The following UNC13C variants were observed in gnomAD, a reference collection of about 807,000 sequenced individuals.
UNC13C encodes unc-13 homolog C, also known as protein unc-13 homolog C.
A neutral mutation model predicts 245.4 loss-of-function variants in UNC13C; 174 were observed. The observed-to-expected ratio is 0.71, with a 90% CI of 0.63 to 0.80. The LOEUF (loss-of-function observed/expected upper bound fraction) is 0.80, where lower values mean the gene tolerates loss of function less well. UNC13C is among the 30% of genes least tolerant of loss of function. The pLI is 0.00. For synonymous variants in UNC13C, 992 were observed against 895.1 expected (o/e 1.11, Z -1.93); for missense variants, 2,829 against 2,602.9 (o/e 1.09, Z -1.89).
At chr15:54,113,697 A>G (rs1178136004) in intron 2 of UNC13C, among the ~76,000 whole-genome samples, 1 of 152,070 alleles carries the variant, frequency 6.6e-6, no homozygotes, top group African/African-American at 2.4e-5. Flanking sequence ...GTGGTGGCAC[A>G]AGCCTGTTGT....
At chr15:53,848,838 A>G in the UNC13C span, among the ~76,000 whole-genome samples, 8 of 151,844 alleles carry the variant, frequency 5.3e-5, no homozygotes, top group South Asian at 4.2e-4. Flanking sequence ...ATGCTTTTTT[A>G]TTGTATTTTT....
intron 19 of UNC13C, among the ~76,000 whole-genome samples, chr15:54,479,168 C>T (rs901614848): frequency 7.2e-5 from 11 of 152,074 alleles, no homozygotes; most frequent in African/African-American, 9.6e-5. Flanking sequence ...TCAATAATCA[C>T]GGGGATTATT....
At chr15:54,272,692 A>G (rs940892560) in intron 10 of UNC13C, among the ~76,000 whole-genome samples, 1 of 152,176 alleles carries the variant, frequency 6.6e-6, no homozygotes, top group East Asian at 1.9e-4. Context: ...ATAATAACCA[A>G]TTCTACTGTT....
At chr15:54,005,866 AAGG>A (rs1441959391) in intron 1 of UNC13C, among the ~76,000 whole-genome samples, 1 of 152,142 alleles carries the variant, frequency 6.6e-6, no homozygotes, top group Non-Finnish European at 1.5e-5. Flanking sequence ...TCATCGGGAG[AAGG>A]AGGAGAAGAA....
rs955393088 is a variant in UNC13C, at chr15:54,060,047, A to G, written c.2983+44161A>G. Among the ~76,000 whole-genome samples the G allele has an allele frequency of 1.2e-4, 19 of 152,260 alleles. 1 individual carries two copies. The highest frequency in any genetic ancestry group is 6.3e-3 in the Middle Eastern group (2 of 316). ...AAACCTAGGCAATACCATTCAGGAC[A>G]TAGGCATGGGCAAGGACTTCATGTC... On this transcript the variant is annotated intron_variant, in intron 2 of 32. Transcript: ENST00000260323.
intron 30 of UNC13C, among the ~76,000 whole-genome samples, chr15:54,613,326 T>A (rs1359816158): frequency 6.6e-6 from 1 of 151,890 alleles, no homozygotes; most frequent in Non-Finnish European, 1.5e-5. Flanking sequence ...AGTTGACATA[T>A]TAAAAAATGT....
rs117729342 is a variant in UNC13C, at chr15:54,032,993, G to A, written c.2983+17107G>A. Among the ~76,000 whole-genome samples, 273 of 152,204 alleles carry A rather than the reference G, an allele frequency of 1.8e-3. 7 individuals are homozygous for A. In the East Asian group the frequency reaches 0.047, roughly 26 times the overall value. ...CTTTGGGGACTCAGGGTGAAAGGGT[G>A]GGAAGGTGGTGAGAGATAAAAGACT... On this transcript the variant is annotated intron_variant, in intron 2 of 32. Coordinates refer to ENST00000260323, the MANE Select transcript of UNC13C (RefSeq NM_001080534.3).
At chr15:54,425,205 G>T (rs994713858) in intron 19 of UNC13C, among the ~76,000 whole-genome samples, 1 of 151,834 alleles carries the variant, frequency 6.6e-6, no homozygotes, top group African/African-American at 2.4e-5. Context: ...ATTACAGTGA[G>T]TAAAAACTCA....
At position 53,983,042 on chromosome 15, in the gene UNC13C, G is replaced by A. The variant is rs118128843; in HGVS notation, c.-257+4115G>A. On this transcript the variant is annotated intron_variant, in intron 1 of 32. Coordinates refer to ENST00000260323, the MANE Select transcript of UNC13C (RefSeq NM_001080534.3). ...CAACTTGTTTTCCTTCAGACAACAA[G>A]GCAGAAGTATTGGCTTAATTATAAT... 7.3e-3 allele frequency among the ~76,000 whole-genome samples: 1,117 copies of A among 152,190 alleles called. 5 individuals carry two copies. The highest frequency in any genetic ancestry group is 0.011 in the Non-Finnish European group (775 of 67,978).
chr15:53,912,103 GC>G, the UNC13C span: 1 of 152,204 alleles, frequency 6.6e-6, no homozygotes, highest in East Asian at 1.9e-4. Context: ...TGATTTACTT[GC>G]AGCTGGGGTT....
At chr15:54,530,015 G>T (rs974530640) in intron 25 of UNC13C, among the ~76,000 whole-genome samples, 2 of 152,088 alleles carry the variant, frequency 1.3e-5, no homozygotes, top group Non-Finnish European at 2.9e-5. Context: ...TGGTGTAGGG[G>T]ATATACAGAA....
chr15:54,262,678 T>G (rs962697341), intron 8 of UNC13C, among the ~76,000 whole-genome samples: 39 of 152,334 alleles, frequency 2.6e-4, no homozygotes, highest in African/African-American at 8.4e-4. Flanking sequence ...ATTCTTTTTT[T>G]TGTCTTCCTT....
chr15:54,494,639 C>G lies in UNC13C; in HGVS notation c.4965C>G (p.Thr1655=), dbSNP rs28537248. ...AAAATCAGCGGTTATGCAAGAGCAC[C>G]GATTATATGAATTTGCATTTCAAAG... ...EHENQRLCKS[T]DYMNLHFKVK... Residue 1655 remains threonine (T), a synonymous_variant, in exon 20 of 33, where the codon ACC becomes ACG. Transcript: ENST00000260323. The G allele has an allele frequency of 6.2e-7, 1 of 1,608,866 alleles. No individual in the cohort carries two copies. Among genetic ancestry groups the G allele is most frequent in the East Asian group, 2.2e-5 (1 of 44,672 alleles).
intron 4 of UNC13C, among the ~76,000 whole-genome samples, chr15:54,218,106 C>A: frequency 6.6e-6 from 1 of 151,832 alleles, no homozygotes. Flanking sequence ...AAACAAAATG[C>A]AGTTTTATAG....
In UNC13C at chr15:54,226,585, C is replaced by T. The variant is rs141823862; in HGVS notation, c.3072-8445C>T. 2.4e-4 allele frequency among the ~76,000 whole-genome samples: 37 copies of T among 152,294 alleles called. No individual in the cohort carries two copies. In the East Asian group the frequency reaches 2.9e-3, roughly 12 times the overall value. The stretch of plus-strand genomic sequence containing the variant: ...GCCCCAGCCAACTGTGCTTGGCTTA[C>T]GCCACTGGCCCAGATCCTACACCAG... On this transcript the variant is annotated intron_variant, in intron 4 of 32. Coordinates refer to ENST00000260323, the MANE Select transcript of UNC13C (RefSeq NM_001080534.3).
At chr15:54,296,382 T>TA (rs1491563565) in intron 11 of UNC13C, among the ~76,000 whole-genome samples, 1 of 91,920 alleles carries the variant, frequency 1.1e-5, no homozygotes, top group Non-Finnish European at 1.9e-5. Context: ...TTTTTTTTTT[T>TA]ATTTTTTTTT....
intron 2 of UNC13C, among the ~76,000 whole-genome samples, chr15:54,131,491 A>C (rs2031411727): frequency 6.6e-6 from 1 of 152,176 alleles, no homozygotes. Flanking sequence ...ATAATGAGTA[A>C]GTTTTAAGTT....
At chr15:53,940,669 A>G in the UNC13C span, among the ~76,000 whole-genome samples, 1 of 152,226 alleles carries the variant, frequency 6.6e-6, no homozygotes, top group East Asian at 1.9e-4. Context: ...CCTATACACC[A>G]ACAACAGACA....
chr15:54,104,815 C>T (rs1900352369), intron 2 of UNC13C, among the ~76,000 whole-genome samples: 1 of 151,888 alleles, frequency 6.6e-6, no homozygotes, highest in African/African-American at 2.4e-5. Flanking sequence ...TTTTGTAATC[C>T]TTATCTCTTG....
Sources: allele counts gnomAD v4.1 joint callset (sites outside exome capture counted in the v4.1 genomes callset), GRCh38; gene constraint gnomAD v4.1.1; transcripts MANE v1.5; gene names NCBI Gene and HGNC (gene_info 2026-07-23, HGNC 2026-07-21).